Variants in SLC44A5 observed in about 807,000 individuals in gnomAD.
SLC44A5 encodes the protein solute carrier family 44 member 5, also known as choline transporter-like protein 5.
SLC44A5 carries 57 observed loss-of-function variants against 101.8 expected under a neutral mutation model. The observed-to-expected ratio is 0.56, with a 90% confidence interval of 0.45 to 0.70. The LOEUF (loss-of-function observed/expected upper bound fraction) is 0.70. SLC44A5 is among the 30% of genes least tolerant of loss of function. The probability of loss-of-function intolerance (pLI) is 0.00; values close to 1 mark genes in which losing one functional copy is unlikely to be tolerated. For missense variants in SLC44A5, 737 were observed against 853.1 expected, an observed-to-expected ratio of 0.86 and a Z score of 1.70; for synonymous variants, 281 against 290.9, an observed-to-expected ratio of 0.97 and a Z score of 0.35.
At chr1:75,623,275 G>A in the SLC44A5 span, among the ~76,000 whole-genome samples, 1 of 152,190 alleles carries the variant, frequency 6.6e-6, no homozygotes, top group East Asian at 1.9e-4. Flanking sequence ...TAGATTGAGA[G>A]TGTCAAGGAA....
the SLC44A5 span, among the ~76,000 whole-genome samples, chr1:75,630,986 T>C: frequency 7.6e-4 from 116 of 152,332 alleles, 1 homozygote; most frequent in African/African-American, 2.6e-3. Flanking sequence ...GTGCCAGCAC[T>C]GAGGCAATTT....
intron 2 of SLC44A5, among the ~76,000 whole-genome samples, chr1:75,505,454 T>G (rs1003093130): frequency 2.0e-5 from 3 of 152,188 alleles, no homozygotes; most frequent in Non-Finnish European, 4.4e-5. Context: ...GTGGCTGAAC[T>G]AATTTACTTT....
chr1:75,615,867 G>T (rs2102198075), upstream of SLC44A5: 2 of 987,948 alleles, frequency 2.0e-6, no homozygotes, highest in South Asian at 9.3e-5. Context: ...GATGCTGGGG[G>T]GCTTTCTCTT....
intron 1 of SLC44A5, among the ~76,000 whole-genome samples, chr1:75,559,533 C>G (rs1055619176): frequency 3.3e-5 from 5 of 152,134 alleles, no homozygotes; most frequent in African/African-American, 9.7e-5. Flanking sequence ...TAGTGAGCAA[C>G]AGGCAAAGGC....
the SLC44A5 span, among the ~76,000 whole-genome samples, chr1:75,636,458 T>G: frequency 2.6e-5 from 4 of 152,084 alleles, no homozygotes; most frequent in African/African-American, 7.2e-5. Context: ...TTGCTAGATA[T>G]AGGGATTTAA....
intron 2 of SLC44A5, among the ~76,000 whole-genome samples, chr1:75,408,196 TA>T (rs1663031093): frequency 1.3e-5 from 2 of 152,142 alleles, no homozygotes; most frequent in Admixed American, 1.3e-4. Context: ...TGGTGATCAT[TA>T]AAAAGTCAGG....
intron 1 of SLC44A5, among the ~76,000 whole-genome samples, chr1:75,597,796 T>A (rs1188489055): frequency 6.6e-6 from 1 of 152,086 alleles, no homozygotes; most frequent in African/African-American, 2.4e-5. Context: ...TAACTCAAGA[T>A]GGATTAAAGA....
chr1:75,721,456 T>C, the SLC44A5 span, among the ~76,000 whole-genome samples: 2 of 152,212 alleles, frequency 1.3e-5, no homozygotes, highest in Non-Finnish European at 2.9e-5. Flanking sequence ...TTAGTGTATT[T>C]TATGTATAGC....
chr1:75,210,657 A>G (rs570858806), intron 23 of SLC44A5, among the ~76,000 whole-genome samples: 2 of 152,252 alleles, frequency 1.3e-5, no homozygotes, highest in South Asian at 2.1e-4. Flanking sequence ...TTACGTCTTC[A>G]GTTCTGTTAA....
intron 1 of SLC44A5, among the ~76,000 whole-genome samples, chr1:75,581,216 G>C (rs1027718070): frequency 2.6e-5 from 4 of 152,118 alleles, no homozygotes; most frequent in African/African-American, 9.7e-5. Flanking sequence ...CACATTAGTA[G>C]ACAAAATCTT....
At chr1:75,641,829 G>T in the SLC44A5 span, 1 of 1,501,114 alleles carries the variant, frequency 6.7e-7, no homozygotes, top group East Asian at 2.3e-5. Flanking sequence ...TTTTCCACTG[G>T]TTCCCTCAAA....
intron 6 of SLC44A5, among the ~76,000 whole-genome samples, chr1:75,263,253 G>A (rs1229280905): frequency 6.6e-6 from 1 of 152,094 alleles, no homozygotes; most frequent in Non-Finnish European, 1.5e-5. Context: ...CTAATATCCA[G>A]AATCTACAAA....
At chr1:75,394,381 T>G (rs1224241879) in intron 3 of SLC44A5, among the ~76,000 whole-genome samples, 2 of 152,202 alleles carry the variant, frequency 1.3e-5, no homozygotes, top group East Asian at 3.8e-4. Context: ...AGTCAATGCC[T>G]ATAAACAATT....
chr1:75,679,023 T>C, the SLC44A5 span, among the ~76,000 whole-genome samples: 3 of 151,594 alleles, frequency 2.0e-5, no homozygotes, highest in Non-Finnish European at 4.4e-5. Flanking sequence ...CGATGGAAGA[T>C]GAAATGAATG....
In SLC44A5 at chr1:75,503,774, C is replaced by A. The variant is rs573179292; in HGVS notation, c.13+37661G>T. Among the ~76,000 whole-genome samples the A allele has an allele frequency of 8.5e-4, 130 of 152,224 alleles. 1 individual carries two copies. Among genetic ancestry groups the A allele is most frequent in the Non-Finnish European group, 1.5e-3 (99 of 68,014 alleles). ...AAAAAGATTGTGTCTACATAAACGG[C>A]CATGGAACTACTCTGACAATAATAC... On this transcript the variant is annotated intron_variant, in intron 2 of 23. Transcript: ENST00000370859.
At chr1:75,683,198 C>T in the SLC44A5 span, among the ~76,000 whole-genome samples, 3 of 150,990 alleles carry the variant, frequency 2.0e-5, no homozygotes, top group Non-Finnish European at 4.4e-5. Flanking sequence ...GTCAGTGTGG[C>T]GATTCCTCTG....
chr1:75,233,501 G>C (rs1333472137), intron 12 of SLC44A5, among the ~76,000 whole-genome samples: 1 of 152,056 alleles, frequency 6.6e-6, no homozygotes, highest in African/African-American at 2.4e-5. Context: ...GTGTAATTCG[G>C]AATACTTGCC....
chr1:75,694,384 T>G, the SLC44A5 span, among the ~76,000 whole-genome samples: 1 of 152,050 alleles, frequency 6.6e-6, no homozygotes, highest in Non-Finnish European at 1.5e-5. Flanking sequence ...GTTATACAAC[T>G]TGTGGAAGGG....
At chr1:75,223,379 T>C in intron 13 of SLC44A5, among the ~76,000 whole-genome samples, 1 of 152,302 alleles carries the variant, frequency 6.6e-6, no homozygotes, top group East Asian at 1.9e-4. Context: ...CCAAATATCA[T>C]CAATTATTAT....
Sources: allele counts gnomAD v4.1 joint callset (sites outside exome capture counted in the v4.1 genomes callset), GRCh38; gene constraint gnomAD v4.1.1; transcripts MANE v1.5; gene names NCBI Gene and HGNC (gene_info 2026-07-23, HGNC 2026-07-21).